HASPIN: variants seen among roughly 807,000 people sequenced by gnomAD.
HASPIN encodes histone H3 associated protein kinase.
In HASPIN, 24 loss-of-function variants were observed where a neutral mutation model predicts 28.8. The observed-to-expected ratio is 0.83, with a 90% confidence interval of 0.60 to 1.17. The LOEUF is 1.17. Ranked by LOEUF, HASPIN falls within the 50% of genes most tolerant of loss-of-function variation. The probability of loss-of-function intolerance (pLI) is 0.00; values close to 1 mark genes in which losing one functional copy is unlikely to be tolerated. For synonymous variants in HASPIN, 440 were observed against 413.1 expected (o/e 1.07, Z -0.79); for missense variants, 1,016 against 1,018.5 (o/e 1.00, Z 0.03).
Position 3,725,169 on chromosome 17 carries a change from C to G in HASPIN, c.1234C>G (p.Leu412Val). 1 of 1,614,208 alleles carries G rather than the reference C, an allele frequency of 6.2e-7. No homozygotes were observed. Among genetic ancestry groups the G allele is most frequent in the Non-Finnish European group, 8.5e-7 (1 of 1,180,032 alleles). ...VCSIYTTATS[L>V]SGSLLSECSN... ...CAGCATCTATACCACTGCCACTTCT[C>G]TCTCTGGATCCCTCCTATCAGAATG... The change falls in exon 1 of 1, where the codon CTC (leucine) becomes GTC (valine). Residue 412 changes from leucine (L) to valine (V), a missense_variant. Around this residue, in one of 3 missense-constraint regions of HASPIN, gnomAD observed 881 missense variants for 845.5 expected, o/e 1.04. Coordinates refer to ENST00000325418, the MANE Select transcript of HASPIN (RefSeq NM_031965.2).
Position 3,724,813 on chromosome 17 carries a change from G to A in HASPIN, c.878G>A (p.Arg293Lys). ...GPGLSSTGKRRATGQDSCQER... is the reference protein window; with the variant it reads ...GPGLSSTGKRKATGQDSCQER... The stretch of plus-strand genomic sequence containing the variant: ...GGTCTGTCAAGCACAGGCAAGAGGA[G>A]GGCCACAGGCCAGGACTCTTGTCAA... The change falls in exon 1 of 1, where the codon AGG becomes AAG. Residue 293 changes from arginine (R) to lysine (K), a missense_variant. Physicochemically the swap from Arg to Lys is conservative, Grantham distance 26 (BLOSUM62 2). This residue lies in a region of HASPIN where 881 missense variants were observed against 845.5 expected (regional missense o/e 1.04). Coordinates refer to ENST00000325418, the MANE Select transcript of HASPIN (RefSeq NM_031965.2). 6.2e-7 allele frequency: 1 copy of A among 1,614,180 alleles called. No individual in the cohort carries two copies. The highest frequency in any genetic ancestry group is 8.5e-7 in the Non-Finnish European group (1 of 1,180,030).
At position 3,725,792 on chromosome 17, in the gene HASPIN, G is replaced by A. The variant is rs2051195949; in HGVS notation, c.1857G>A (p.Leu619=). ...ACTTAGAGCAAATGCGAACCAAGTTGTCTTCCTTGGCTACTGCAAAGAGCA... is the reference window on the plus strand; with the variant it reads ...ACTTAGAGCAAATGCGAACCAAGTTATCTTCCTTGGCTACTGCAAAGAGCA... The part of the protein sequence containing the change: ...GIDLEQMRTK[L]SSLATAKSIL... The change falls in exon 1 of 1, where the codon TTG becomes TTA. Residue 619 remains leucine (L), a synonymous_variant. Coordinates refer to ENST00000325418, the MANE Select transcript of HASPIN (RefSeq NM_031965.2). 1 of 1,605,412 alleles carries A rather than the reference G, an allele frequency of 6.2e-7. No individual in the cohort carries two copies. The highest frequency in any genetic ancestry group is 8.5e-7 in the Non-Finnish European group (1 of 1,174,324).
In HASPIN at chr17:3,724,145, C is replaced by G. The variant is rs1290828761; in HGVS notation, c.210C>G (p.Asp70Glu). 1.0e-5 allele frequency: 16 copies of G among 1,595,420 alleles called. No individual in the cohort carries two copies. Among genetic ancestry groups the G allele is most frequent in the Non-Finnish European group, 1.4e-5 (16 of 1,177,448 alleles). ...SDDPDDPDDP[D>E]FPGSPVRRRR... ...ATCCTGACGATCCCGACGACCCCGACTTCCCCGGCAGCCCGGTGAGGCGGC... is the reference window on the plus strand; with the variant it reads ...ATCCTGACGATCCCGACGACCCCGAGTTCCCCGGCAGCCCGGTGAGGCGGC... Residue 70 changes from aspartate to glutamate, a missense_variant, in exon 1 of 1, where the codon GAC becomes GAG. Coordinates refer to ENST00000325418, the MANE Select transcript of HASPIN (RefSeq NM_031965.2).
Position 3,725,739 on chromosome 17 carries a change from G to A in HASPIN, c.1804G>A (p.Val602Met), listed in dbSNP as rs1333856716. The A allele has an allele frequency of 1.3e-6, 2 of 1,582,292 alleles. No individual in the cohort carries two copies. Residue 602 changes from valine (V) to methionine (M), a missense_variant, in exon 1 of 1, where the codon GTG (valine) becomes ATG (methionine). Around this residue, in one of 3 missense-constraint regions of HASPIN, gnomAD observed 881 missense variants for 845.5 expected, o/e 1.04. Coordinates refer to ENST00000325418, the MANE Select transcript of HASPIN (RefSeq NM_031965.2). ...DFFKDDQLFIVLEFEFGGIDL... is the reference protein window; with the variant it reads ...DFFKDDQLFIMLEFEFGGIDL... ...TTTTAAAGACGACCAGCTCTTCATT[G>A]TGCTGGAATTTGAGTTTGGAGGGAT...
chr17:3,725,388 C>T lies in HASPIN; in HGVS notation c.1453C>T (p.Gln485Ter). ...FSHCLPTEKL[Q>*]RCEKIGEGVF... ...CCATTGCCTTCCCACAGAAAAACTGCAACGCTGTGAGAAGATTGGGGAAGG... is the reference window on the plus strand; with the variant it reads ...CCATTGCCTTCCCACAGAAAAACTGTAACGCTGTGAGAAGATTGGGGAAGG... Residue 485 changes from glutamine (Q) to a stop codon, truncating the protein, a stop_gained, in exon 1 of 1, where the codon CAA (glutamine) becomes TAA (stop). Coordinates refer to ENST00000325418, the MANE Select transcript of HASPIN (RefSeq NM_031965.2). LOFTEE classifies it high-confidence loss of function. 6.2e-7 allele frequency: 1 copy of T among 1,614,206 alleles called. No individual in the cohort carries two copies. The highest frequency in any genetic ancestry group is 8.5e-7 in the Non-Finnish European group (1 of 1,180,046).
At position 3,726,305 on chromosome 17, in the gene HASPIN, G is replaced by C. The variant is rs2051211243; in HGVS notation, c.2370G>C (p.Leu790Phe). ...TGAACTTCAGCTCTGCCACTGACTTGCTCTGCCAGCACAGTCTGTTTAAGT... is the reference window on the plus strand; with the variant it reads ...TGAACTTCAGCTCTGCCACTGACTTCCTCTGCCAGCACAGTCTGTTTAAGT... Reference protein sequence around the residue: ...TMLNFSSATDLLCQHSLFK With the variant: ...TMLNFSSATDFLCQHSLFK The change falls in exon 1 of 1, where the codon TTG (leucine) becomes TTC (phenylalanine). Residue 790 changes from leucine (L) to phenylalanine (F), a missense_variant. Leu to Phe is a conservative substitution (Grantham distance 22). Transcript: ENST00000325418. The C allele has an allele frequency of 6.2e-7, 1 of 1,613,252 alleles. No homozygotes were observed. Among genetic ancestry groups the C allele is most frequent in the Admixed American group, 1.7e-5 (1 of 59,960 alleles).
At position 3,725,391 on chromosome 17, in the gene HASPIN, C is replaced by T. The variant is rs113236129; in HGVS notation, c.1456C>T (p.Arg486Cys). Reference protein sequence around the residue: ...SHCLPTEKLQRCEKIGEGVFG... With the variant: ...SHCLPTEKLQCCEKIGEGVFG... ...TTGCCTTCCCACAGAAAAACTGCAA[C>T]GCTGTGAGAAGATTGGGGAAGGGGT... The change falls in exon 1 of 1, where the codon CGC becomes TGC. Residue 486 changes from arginine (R) to cysteine (C), a missense_variant. By Grantham distance (180) the Arg-to-Cys change is radical. Transcript: ENST00000325418. The T allele has an allele frequency of 3.1e-6, 5 of 1,614,064 alleles. No individual in the cohort carries two copies. The Admixed American group carries it at 5.0e-5, about 16-fold the overall frequency.
Position 3,724,147 on chromosome 17 carries a change from TC to T in HASPIN, c.216del (p.Gly73AlafsTer4). ...DDPDDPDDPD[F>X]PGSPVRRRRR... ...CCTGACGATCCCGACGACCCCGACT[TC>T]CCCGGCAGCCCGGTGAGGCGGCGGC... On this transcript the variant is annotated frameshift_variant, in exon 1 of 1. Coordinates refer to ENST00000325418, the MANE Select transcript of HASPIN (RefSeq NM_031965.2). LOFTEE classifies it low-confidence loss of function (END_TRUNC). 1 of 1,595,014 alleles carries T rather than the reference TC, an allele frequency of 6.3e-7. No individual in the cohort carries two copies. Among genetic ancestry groups the T allele is most frequent in the Non-Finnish European group, 8.5e-7 (1 of 1,177,250 alleles).
At position 3,725,159 on chromosome 17, in the gene HASPIN, T is replaced by C. The variant is rs2051177603; in HGVS notation, c.1224T>C (p.Thr408=). The change falls in exon 1 of 1, where the codon ACT becomes ACC. Residue 408 remains threonine, a synonymous_variant. Transcript: ENST00000325418. Reference sequence around the variant, plus strand: ...CAGAGGTCTGCAGCATCTATACCACTGCCACTTCTCTCTCTGGATCCCTCC... The same window carrying C: ...CAGAGGTCTGCAGCATCTATACCACCGCCACTTCTCTCTCTGGATCCCTCC... The part of the protein sequence containing the change: ...DVSEVCSIYT[T]ATSLSGSLLS... 1 of 1,614,210 alleles carries C rather than the reference T, an allele frequency of 6.2e-7. No homozygotes were observed. Among genetic ancestry groups the C allele is most frequent in the South Asian group, 1.1e-5 (1 of 91,088 alleles).
Position 3,725,500 on chromosome 17 carries a change from A to G in HASPIN, c.1565A>G (p.Asn522Ser), listed in dbSNP as rs1792194344. Reference sequence around the variant, plus strand: ...GCTATTGAAGGACCAGATTTAGTCAATGGATCCCATCAGAAAACCTTTGAG... The same window carrying G: ...GCTATTGAAGGACCAGATTTAGTCAGTGGATCCCATCAGAAAACCTTTGAG... The part of the protein sequence containing the change: ...IIAIEGPDLV[N>S]GSHQKTFEEI... Residue 522 changes from asparagine (N) to serine (S), a missense_variant, in exon 1 of 1, where the codon AAT (asparagine) becomes AGT (serine). Around this residue, in one of 3 missense-constraint regions of HASPIN, gnomAD observed 881 missense variants for 845.5 expected, o/e 1.04. Transcript: ENST00000325418. 1.2e-6 allele frequency: 2 copies of G among 1,614,138 alleles called. No individual in the cohort carries two copies. Among genetic ancestry groups the G allele is most frequent in the Admixed American group, 1.7e-5 (1 of 60,010 alleles).
chr17:3,725,464 T>C lies in HASPIN; in HGVS notation c.1529T>C (p.Ile510Thr), dbSNP rs1381100517. The stretch of plus-strand genomic sequence containing the variant: ...ATTGCTGATCACACACCCGTAGCCA[T>C]AAAAATCATTGCTATTGAAGGACCA... ...QTIADHTPVA[I>T]KIIAIEGPDL... Residue 510 changes from isoleucine to threonine, a missense_variant, in exon 1 of 1, where the codon ATA becomes ACA. Transcript: ENST00000325418. 3.7e-6 allele frequency: 6 copies of C among 1,614,066 alleles called. No individual in the cohort carries two copies. The highest frequency in any genetic ancestry group is 5.1e-6 in the Non-Finnish European group (6 of 1,180,038).
In HASPIN at chr17:3,725,684, C is replaced by T; in HGVS notation, c.1749C>T (p.Thr583=). The T allele has an allele frequency of 6.3e-7, 1 of 1,583,062 alleles. No homozygotes were observed. Among genetic ancestry groups the T allele is most frequent in the Non-Finnish European group, 8.6e-7 (1 of 1,164,760 alleles). The stretch of plus-strand genomic sequence containing the variant: ...AAGCCTGGGATCACTATAATTCAAC[C>T]AAAGGCTCTGCAAATGACCGGCCTG... ...LLKAWDHYNS[T]KGSANDRPDF... is the part of the protein sequence containing the mutation. Residue 583 remains threonine (T), a synonymous_variant, in exon 1 of 1, where the codon ACC becomes ACT. Coordinates refer to ENST00000325418, the MANE Select transcript of HASPIN (RefSeq NM_031965.2).
chr17:3,725,146 G>T lies in HASPIN; in HGVS notation c.1211G>T (p.Ser404Ile). The change falls in exon 1 of 1, where the codon AGC becomes ATC. Residue 404 changes from serine (S) to isoleucine (I), a missense_variant. By Grantham distance (142) the Ser-to-Ile change is moderately radical. This residue lies in a region of HASPIN where 881 missense variants were observed against 845.5 expected (regional missense o/e 1.04). Transcript: ENST00000325418. Reference protein sequence around the residue: ...KIVTDVSEVCSIYTTATSLSG... With the variant: ...KIVTDVSEVCIIYTTATSLSG... ...GTGACTGATGTGTCAGAGGTCTGCA[G>T]CATCTATACCACTGCCACTTCTCTC... The T allele has an allele frequency of 6.2e-7, 1 of 1,614,172 alleles. No homozygotes were observed. The highest frequency in any genetic ancestry group is 8.5e-7 in the Non-Finnish European group (1 of 1,180,020).
At position 3,725,086 on chromosome 17, in the gene HASPIN, C is replaced by T; in HGVS notation, c.1151C>T (p.Thr384Ile). 1 of 1,614,208 alleles carries T rather than the reference C, an allele frequency of 6.2e-7. No individual in the cohort carries two copies. The part of the protein sequence containing the change: ...PLQNVCFWTK[T>I]RASFSFHKKK... ...CAGAATGTCTGCTTTTGGACCAAAACCAGGGCTTCCTTCAGTTTCCACAAG... is the reference window on the plus strand; with the variant it reads ...CAGAATGTCTGCTTTTGGACCAAAATCAGGGCTTCCTTCAGTTTCCACAAG... The change falls in exon 1 of 1, where the codon ACC (threonine) becomes ATC (isoleucine). Residue 384 changes from threonine to isoleucine, a missense_variant. This residue lies in a region of HASPIN where 881 missense variants were observed against 845.5 expected (regional missense o/e 1.04). Coordinates refer to ENST00000325418, the MANE Select transcript of HASPIN (RefSeq NM_031965.2).
Position 3,724,845 on chromosome 17 carries a change from G to A in HASPIN, c.910G>A (p.Gly304Arg), listed in dbSNP as rs147870200. The A allele has an allele frequency of 3.8e-5, 61 of 1,614,100 alleles. No homozygotes were observed. The highest frequency in any genetic ancestry group is 2.3e-4 in the Admixed American group (14 of 60,030). The change falls in exon 1 of 1, where the codon GGG becomes AGG. Residue 304 changes from glycine (G) to arginine (R), a missense_variant. Around this residue, in one of 3 missense-constraint regions of HASPIN, gnomAD observed 881 missense variants for 845.5 expected, o/e 1.04. Coordinates refer to ENST00000325418, the MANE Select transcript of HASPIN (RefSeq NM_031965.2). Reference sequence around the variant, plus strand: ...AGGCCAGGACTCTTGTCAAGAGAGAGGGCTTCAAGAGGCCGTCCGGAGAGA... The same window carrying A: ...AGGCCAGGACTCTTGTCAAGAGAGAAGGCTTCAAGAGGCCGTCCGGAGAGA... ...ATGQDSCQERGLQEAVRREHQ... is the reference protein window; with the variant it reads ...ATGQDSCQERRLQEAVRREHQ...
rs748451320 is a variant in HASPIN, at chr17:3,724,627, C to G, written c.692C>G (p.Thr231Ser). 1.1e-5 allele frequency: 17 copies of G among 1,614,186 alleles called. No individual in the cohort carries two copies. The Admixed American group carries it at 2.8e-4, about 27-fold the overall frequency. ...GAAGCGACAGGAGGAGCCAAGGACA[C>G]CAGGATGGTCCACCAAACCCGCGCC... ...QEEATGGAKD[T>S]RMVHQTRASL... is the part of the protein sequence containing the mutation. The change falls in exon 1 of 1, where the codon ACC becomes AGC. Residue 231 changes from threonine (T) to serine (S), a missense_variant. This residue lies in a region of HASPIN where 881 missense variants were observed against 845.5 expected (regional missense o/e 1.04). Coordinates refer to ENST00000325418, the MANE Select transcript of HASPIN (RefSeq NM_031965.2).
rs986285929 is a variant in HASPIN at position 3,723,924 on chromosome 17, C to A, written c.-12C>A. 6.5e-7 allele frequency: 1 copy of A among 1,542,424 alleles called. No individual in the cohort carries two copies. Among genetic ancestry groups the A allele is most frequent in the Admixed American group, 2.0e-5 (1 of 49,322 alleles). On this transcript the variant is annotated 5_prime_UTR_variant, in exon 1 of 1. Transcript: ENST00000325418. ...CGATGTTTGCGTTTGAACCTCTTGGCGGGTGCCGGCCATGGCGGCTTCGCT... is the reference window on the plus strand; with the variant it reads ...CGATGTTTGCGTTTGAACCTCTTGGAGGGTGCCGGCCATGGCGGCTTCGCT...
At position 3,725,015 on chromosome 17, in the gene HASPIN, AAAGCTGGGAAAAG is replaced by A; in HGVS notation, c.1082_1094del (p.Lys361IlefsTer8). ...ATTCCCACCGCTTTAAAAAGGGCCA[AAAGCTGGGAAAAG>A]ATTCGTTCCCCACCCAGGACCTGAC... On this transcript the variant is annotated frameshift_variant, in exon 1 of 1. Coordinates refer to ENST00000325418, the MANE Select transcript of HASPIN (RefSeq NM_031965.2). LOFTEE classifies it high-confidence loss of function. 6.2e-7 allele frequency: 1 copy of A among 1,614,194 alleles called. No individual in the cohort carries two copies. Among genetic ancestry groups the A allele is most frequent in the Non-Finnish European group, 8.5e-7 (1 of 1,180,028 alleles).
At position 3,724,270 on chromosome 17, in the gene HASPIN, C is replaced by A; in HGVS notation, c.335C>A (p.Thr112Asn). 1 of 1,590,216 alleles carries A rather than the reference C, an allele frequency of 6.3e-7. No individual in the cohort carries two copies. Among genetic ancestry groups the A allele is most frequent in the Non-Finnish European group, 8.5e-7 (1 of 1,175,626 alleles). The change falls in exon 1 of 1, where the codon ACC becomes AAC. Residue 112 changes from threonine (T) to asparagine (N), a missense_variant. Physicochemically the swap from Thr to Asn is moderately conservative, Grantham distance 65. This residue lies in a region of HASPIN where 881 missense variants were observed against 845.5 expected (regional missense o/e 1.04). Transcript: ENST00000325418. Reference sequence around the variant, plus strand: ...CGAGCTCGCCCAAGCCTAACCGTGACCCCAAGACGCCTGGGGCTGCGAGCT... The same window carrying A: ...CGAGCTCGCCCAAGCCTAACCGTGAACCCAAGACGCCTGGGGCTGCGAGCT... ...KLRARPSLTV[T>N]PRRLGLRARP...
Sources: gnomAD v4.1 joint callset for allele counts on GRCh38, gnomAD v4.1.1 for gene constraint, gnomAD v4.1.1 regional missense constraint, MANE v1.5 for transcripts, NCBI Gene and HGNC (gene_info 2026-07-23, HGNC 2026-07-21) for gene names.